SPATA31G1: variants seen among roughly 807,000 people sequenced by gnomAD.
SPATA31G1 encodes the protein spermatogenesis-associated protein 31G1.
the SPATA31G1 span, chr9:35,042,596 TG>T: frequency 1.3e-6 from 2 of 1,514,132 alleles, no homozygotes; most frequent in Non-Finnish European, 1.8e-6. Context: ...GATGTGAGGC[TG>T]GGTGAGTAAC....
chr9:35,044,666 C>T, the SPATA31G1 span: 1 of 1,614,058 alleles, frequency 6.2e-7, no homozygotes, highest in African/African-American at 1.3e-5. Context: ...AAAGAAAGAA[C>T]CACTGGGCCA....
chr9:35,042,552 G>A, the SPATA31G1 span: 2 of 1,607,666 alleles, frequency 1.2e-6, no homozygotes, highest in South Asian at 2.2e-5. Flanking sequence ...TCATTGGTAT[G>A]AATGTGGGCC....
At chr9:35,042,343 A>G in the SPATA31G1 span, 2 of 1,614,252 alleles carry the variant, frequency 1.2e-6, no homozygotes, top group South Asian at 2.2e-5. Context: ...GCCTGCAGAC[A>G]CTGCGGCAGC....
At chr9:35,043,452 C>T in the SPATA31G1 span, 6 of 1,614,198 alleles carry the variant, frequency 3.7e-6, no homozygotes, top group Admixed American at 1.7e-5. Flanking sequence ...GCTGCTTCCA[C>T]CTCCATCTTC....
the SPATA31G1 span, chr9:35,042,886 C>A: frequency 3.2e-5 from 51 of 1,613,930 alleles, no homozygotes; most frequent in Admixed American, 1.5e-4. Context: ...CACCGTGTGG[C>A]CTTCCTTGAT....
the SPATA31G1 span, chr9:35,045,667 C>T: frequency 1.1e-4 from 171 of 1,614,190 alleles, no homozygotes; most frequent in African/African-American, 1.9e-3. Context: ...CCCAAAGCTT[C>T]GGGTCCCCAG....
At chr9:35,044,369 CCTGT>C in the SPATA31G1 span, 1 of 1,613,914 alleles carries the variant, frequency 6.2e-7, no homozygotes, top group African/African-American at 1.3e-5. Flanking sequence ...CCATGGGGGT[CCTGT>C]CTGATTCTGA....
At chr9:35,045,479 A>C in the SPATA31G1 span, 1 of 1,614,084 alleles carries the variant, frequency 6.2e-7, no homozygotes. Context: ...ACCCTAGGAA[A>C]CCCAAAGCAG....
At chr9:35,044,910 G>A in the SPATA31G1 span, 2 of 1,614,112 alleles carry the variant, frequency 1.2e-6, no homozygotes, top group Admixed American at 3.3e-5. Flanking sequence ...TAAGGCAGAG[G>A]CCCCACTCTC....
chr9:35,045,480 C>T, the SPATA31G1 span: 1 of 1,614,028 alleles, frequency 6.2e-7, no homozygotes, highest in Non-Finnish European at 8.5e-7. Flanking sequence ...CCCTAGGAAA[C>T]CCAAAGCAGG....
At chr9:35,044,168 A>C in the SPATA31G1 span, 1 of 1,614,198 alleles carries the variant, frequency 6.2e-7, no homozygotes, top group Admixed American at 1.7e-5. Context: ...CTGATTCCCC[A>C]GACCCTGTTC....
At chr9:35,043,838 C>T in the SPATA31G1 span, 1 of 1,614,108 alleles carries the variant, frequency 6.2e-7, no homozygotes, top group Non-Finnish European at 8.5e-7. Context: ...GAGAGAGTTC[C>T]CTGGAAGATC....
chr9:35,044,952 C>T, the SPATA31G1 span: 1 of 1,614,204 alleles, frequency 6.2e-7, no homozygotes, highest in Non-Finnish European at 8.5e-7. Flanking sequence ...GTTGCTCACC[C>T]ATCCTGGGAT....
chr9:35,045,273 C>T, the SPATA31G1 span: 2 of 1,614,002 alleles, frequency 1.2e-6, no homozygotes, highest in South Asian at 1.1e-5. Context: ...CAGGGCGGAA[C>T]AAGGGTCTCA....
the SPATA31G1 span, chr9:35,044,473 G>A: frequency 6.2e-7 from 1 of 1,614,218 alleles, no homozygotes. Context: ...CATGGAGCCA[G>A]CCCTCTGGGA....
chr9:35,042,536 G>C, the SPATA31G1 span: 1 of 1,612,246 alleles, frequency 6.2e-7, no homozygotes, highest in Non-Finnish European at 8.5e-7. Flanking sequence ...GACACCACAT[G>C]TGAGGTCATT....
chr9:35,045,273 C>G, the SPATA31G1 span: 2 of 1,614,002 alleles, frequency 1.2e-6, no homozygotes, highest in Non-Finnish European at 8.5e-7. Context: ...CAGGGCGGAA[C>G]AAGGGTCTCA....
chr9:35,044,332 T>C, the SPATA31G1 span: 11 of 1,613,874 alleles, frequency 6.8e-6, no homozygotes, highest in Non-Finnish European at 8.5e-6. Flanking sequence ...CCCCCAGCTC[T>C]TGCACCGGAG....
At chr9:35,045,529 C>T in the SPATA31G1 span, 1 of 1,614,042 alleles carries the variant, frequency 6.2e-7, no homozygotes, top group African/African-American at 1.3e-5. Flanking sequence ...GGGTTATCCA[C>T]AGTCACAGGG....
Sources: allele counts gnomAD v4.1 joint callset, GRCh38; gene constraint gnomAD v4.1.1; transcripts MANE v1.5; gene names NCBI Gene and HGNC (gene_info 2026-07-23, HGNC 2026-07-21).